CAST: variants seen among roughly 807,000 people sequenced by gnomAD.
CAST encodes MIR583 host.
Under a neutral mutation model 119.6 loss-of-function variants are expected in CAST, and 76 were observed. The observed-to-expected ratio is 0.64, with a 90% confidence interval of 0.53 to 0.77. CAST has a LOEUF of 0.77. CAST is among the 30% of genes least tolerant of loss of function. The pLI, the probability that CAST is intolerant of heterozygous loss-of-function variation, is 0.00. For missense variants in CAST, 953 were observed against 946.5 expected, an observed-to-expected ratio of 1.01 and a Z score of -0.09; for synonymous variants, 319 against 331.6, an observed-to-expected ratio of 0.96 and a Z score of 0.41.
At chr5:96,555,675 C>T (rs941933976) in intron 1 of CAST, among the ~76,000 whole-genome samples, 5 of 152,152 alleles carry the variant, frequency 3.3e-5, no homozygotes, top group African/African-American at 7.2e-5. Context: ...GCGAGGCTGA[C>T]GGAGGGGTGC....
At chr5:96,535,976 A>C (rs1439819928) in intron 1 of CAST, among the ~76,000 whole-genome samples, 2 of 148,818 alleles carry the variant, frequency 1.3e-5, no homozygotes, top group African/African-American at 5.0e-5. Context: ...GGAGCCCTTT[A>C]GTACATTTAA....
chr5:96,111,390 T>C, the CAST span, among the ~76,000 whole-genome samples: 1 of 152,338 alleles, frequency 6.6e-6, no homozygotes, highest in Non-Finnish European at 1.5e-5. Context: ...AGGGGTTTTA[T>C]GAAGGCTCTA....
the CAST span, among the ~76,000 whole-genome samples, chr5:96,493,718 G>A: frequency 6.6e-6 from 1 of 152,246 alleles, no homozygotes; most frequent in African/African-American, 2.4e-5. Context: ...TATAAAACAT[G>A]CCTGCTCTTT....
the CAST span, among the ~76,000 whole-genome samples, chr5:96,095,633 G>T: frequency 4.1e-5 from 6 of 146,012 alleles, no homozygotes; most frequent in African/African-American, 1.3e-4. Flanking sequence ...TTAACCTGTG[G>T]CAAATCATCA....
At chr5:96,767,529 G>C in intron 28 of CAST, 47 bp downstream of exon 28, 1 of 1,454,512 alleles carries the variant, frequency 6.9e-7, no homozygotes, top group Non-Finnish European at 9.6e-7. Context: ...TTTTATTCTA[G>C]CCATAGGGGT....
chr5:96,400,267 CCATT>C, the CAST span: 1 of 914,386 alleles, frequency 1.1e-6, no homozygotes, highest in Non-Finnish European at 1.8e-6. Flanking sequence ...ATAAGCATCT[CCATT>C]CAGGGATTAT....
chr5:96,650,533 T>C (rs1464505732), intron 1 of CAST, among the ~76,000 whole-genome samples: 3 of 152,328 alleles, frequency 2.0e-5, no homozygotes, highest in African/African-American at 7.2e-5. Context: ...ATCTAGAAAT[T>C]ATACATTGTA....
intron 1 of CAST, among the ~76,000 whole-genome samples, chr5:96,634,671 ATGT>A (rs1446118703): frequency 1.3e-5 from 2 of 152,206 alleles, no homozygotes; most frequent in Non-Finnish European, 2.9e-5. Flanking sequence ...CAATGAGATA[ATGT>A]TGTGCCCAAC....
chr5:96,070,806 A>G, the CAST span, among the ~76,000 whole-genome samples: 15 of 152,218 alleles, frequency 9.9e-5, no homozygotes, highest in African/African-American at 3.6e-4. Context: ...GTGGCAATAG[A>G]CAAGGCTAAA....
chr5:96,621,687 T>C (rs1415247973), intron 1 of CAST, among the ~76,000 whole-genome samples: 1 of 152,176 alleles, frequency 6.6e-6, no homozygotes, highest in Admixed American at 6.5e-5. Flanking sequence ...AGGATTACAA[T>C]TCAAGATGAG....
At chr5:96,285,923 C>G in the CAST span, among the ~76,000 whole-genome samples, 1 of 152,224 alleles carries the variant, frequency 6.6e-6, no homozygotes. Flanking sequence ...GAATGTGCCT[C>G]TAAATGGAAG....
chr5:96,147,780 A>G, the CAST span, among the ~76,000 whole-genome samples: 1 of 152,234 alleles, frequency 6.6e-6, no homozygotes, highest in Admixed American at 6.5e-5. Flanking sequence ...GTAAGTGTCA[A>G]AGTGATTACT....
chr5:96,139,677 G>A, the CAST span, among the ~76,000 whole-genome samples: 1 of 151,554 alleles, frequency 6.6e-6, no homozygotes, highest in African/African-American at 2.4e-5. Flanking sequence ...CATATCTGGG[G>A]AACAAAAGTG....
At chr5:96,116,274 C>A in the CAST span, among the ~76,000 whole-genome samples, 1 of 151,938 alleles carries the variant, frequency 6.6e-6, no homozygotes, top group African/African-American at 2.4e-5. Flanking sequence ...TTGTTTTGAT[C>A]AGTAGTTTTT....
At chr5:95,962,767 T>C in the CAST span, among the ~76,000 whole-genome samples, 5 of 152,218 alleles carry the variant, frequency 3.3e-5, no homozygotes, top group Non-Finnish European at 5.9e-5. Context: ...GGCATTGATC[T>C]AAATTAAAAG....
intron 1 of CAST, among the ~76,000 whole-genome samples, chr5:96,621,157 TGTAA>T (rs1385644379): frequency 2.0e-5 from 3 of 152,220 alleles, no homozygotes; most frequent in African/African-American, 4.8e-5. Flanking sequence ...AAGAGACTCC[TGTAA>T]GTGTCTGCAT....
the CAST span, among the ~76,000 whole-genome samples, chr5:96,029,624 T>C: frequency 6.6e-6 from 1 of 152,130 alleles, no homozygotes; most frequent in Non-Finnish European, 1.5e-5. Flanking sequence ...TTGAATAAAT[T>C]AAATAACATC....
At chr5:96,262,849 T>C in the CAST span, among the ~76,000 whole-genome samples, 1 of 152,182 alleles carries the variant, frequency 6.6e-6, no homozygotes, top group Admixed American at 6.5e-5. Context: ...AGCTTCTTTT[T>C]AGCAGGGCCC....
the CAST span, among the ~76,000 whole-genome samples, chr5:96,440,472 G>A: frequency 6.6e-6 from 1 of 152,094 alleles, no homozygotes; most frequent in Admixed American, 6.6e-5. Flanking sequence ...AAGCAAACAT[G>A]TATTGGCCAG....
Sources: allele counts gnomAD v4.1 joint callset (sites outside exome capture counted in the v4.1 genomes callset), GRCh38; gene constraint gnomAD v4.1.1; transcripts MANE v1.5; gene names NCBI Gene and HGNC (gene_info 2026-07-23, HGNC 2026-07-21).